The following FAT3 variants were observed in gnomAD, a reference collection of about 807,000 sequenced individuals.
FAT3 encodes FAT atypical cadherin 3.
A neutral mutation model predicts 310.2 loss-of-function variants in FAT3; 95 were observed. The observed-to-expected ratio is 0.31, with a 90% CI of 0.26 to 0.36. FAT3 has a LOEUF of 0.36. Ranked by LOEUF, FAT3 falls within the 10% of genes least tolerant of loss-of-function variation. The pLI, the probability that FAT3 is intolerant of heterozygous loss-of-function variation, is 1.00. For missense variants in FAT3, 5,408 were observed against 5,715.6 expected (o/e 0.95, Z 1.74); for synonymous variants, 2,314 against 2,192.9 (o/e 1.06, Z -1.54).
chr11:92,569,890 C>G (rs1414819010), intron 3 of FAT3, among the ~76,000 whole-genome samples: 1 of 152,164 alleles, frequency 6.6e-6, no homozygotes, highest in Non-Finnish European at 1.5e-5. Context: ...TCCAACAGCT[C>G]ATGCTCTCTG....
At chr11:92,556,250 T>C (rs531698657) in intron 3 of FAT3, among the ~76,000 whole-genome samples, 1 of 152,266 alleles carries the variant, frequency 6.6e-6, no homozygotes, top group African/African-American at 2.4e-5. Context: ...GGCTCTTCTT[T>C]TAAATTTTTG....
chr11:92,619,837 A>T (rs1351166762), intron 3 of FAT3, among the ~76,000 whole-genome samples: 2 of 151,040 alleles, frequency 1.3e-5, no homozygotes, highest in Non-Finnish European at 3.0e-5. Flanking sequence ...CTTTTTTTCT[A>T]TTTCATTGAT....
At chr11:92,889,308 C>T in intron 26 of FAT3, 60 bp downstream of exon 26, 1 of 654,852 alleles carries the variant, frequency 1.5e-6, no homozygotes, top group Non-Finnish European at 2.8e-6. Flanking sequence ...TTACTTTGGA[C>T]TAGGAGTGAT....
At chr11:92,479,748 T>G (rs1248250991) in intron 2 of FAT3, among the ~76,000 whole-genome samples, 2 of 152,206 alleles carry the variant, frequency 1.3e-5, no homozygotes, top group African/African-American at 2.4e-5. Flanking sequence ...TCTACCCTCT[T>G]GGAACTACAA....
chr11:92,269,314 C>A (rs1946057490), intron 1 of FAT3, among the ~76,000 whole-genome samples: 1 of 152,072 alleles, frequency 6.6e-6, no homozygotes, highest in African/African-American at 2.4e-5. Flanking sequence ...TCAGAAGTGC[C>A]CTGAATTCAA....
At chr11:92,460,560 A>C (rs1951610339) in intron 2 of FAT3, among the ~76,000 whole-genome samples, 1 of 152,212 alleles carries the variant, frequency 6.6e-6, no homozygotes, top group Non-Finnish European at 1.5e-5. Flanking sequence ...ATTTGTATGA[A>C]ATTGAAAACT....
intron 13 of FAT3, among the ~76,000 whole-genome samples, chr11:92,823,057 G>A (rs1418033057): frequency 6.6e-6 from 1 of 152,062 alleles, no homozygotes; most frequent in Non-Finnish European, 1.5e-5. Flanking sequence ...CTCTATACAT[G>A]CTTGTCTCCT....
At chr11:92,534,296 ACT>A (rs1430292493) in intron 3 of FAT3, among the ~76,000 whole-genome samples, 2 of 151,834 alleles carry the variant, frequency 1.3e-5, no homozygotes, top group Non-Finnish European at 2.9e-5. Flanking sequence ...GGGGAACAAA[ACT>A]CTGGGCTCTG....
chr11:92,735,453 G>A (rs1212951469), intron 4 of FAT3, among the ~76,000 whole-genome samples: 1 of 151,922 alleles, frequency 6.6e-6, no homozygotes, highest in Non-Finnish European at 1.5e-5. Context: ...TCATTCCAGA[G>A]GTCTACTGAA....
rs755181844 is a variant in FAT3 at position 92,891,139 on chromosome 11, T to G, written c.*26T>G. On this transcript the variant is annotated 3_prime_UTR_variant, in exon 28 of 28. Coordinates refer to ENST00000525166, the MANE Select transcript of FAT3 (RefSeq NM_001367949.2). Reference sequence around the variant, plus strand: ...ACATCACATCTTGGGTACTTCACCCTGTTTGTTACAGAAAAGTGGAAGCAG... The same window carrying G: ...ACATCACATCTTGGGTACTTCACCCGGTTTGTTACAGAAAAGTGGAAGCAG... 2 of 1,603,782 alleles carry G rather than the reference T, an allele frequency of 1.2e-6. No homozygotes were observed. Among genetic ancestry groups the G allele is most frequent in the Non-Finnish European group, 1.7e-6 (2 of 1,173,946 alleles).
At position 92,354,178 on chromosome 11, in the gene FAT3, C is replaced by T. The variant is rs1948658829; in HGVS notation, c.2066C>T (p.Ala689Val). Residue 689 changes from alanine to valine, a missense_variant, in exon 2 of 28, where the codon GCT becomes GTT. Physicochemically the swap from Ala to Val is moderately conservative, Grantham distance 64. Transcript: ENST00000525166. ...KSFSCRETRV[A>V]QKLAEKLLIK... ...TTCAGTTGCAGAGAAACTCGTGTGG[C>T]TCAAAAGCTGGCAGAGAAACTACTC... The T allele has an allele frequency of 6.2e-7, 1 of 1,613,810 alleles. No individual in the cohort carries two copies. Among genetic ancestry groups the T allele is most frequent in the African/African-American group, 1.3e-5 (1 of 75,020 alleles).
At chr11:92,858,410 C>T (rs1205755098) in intron 20 of FAT3, among the ~76,000 whole-genome samples, 1 of 152,214 alleles carries the variant, frequency 6.6e-6, no homozygotes, top group Admixed American at 6.5e-5. Context: ...GCTGACTTTT[C>T]TCCTTTCTAT....
At chr11:92,757,079 C>G (rs183893013) in intron 4 of FAT3, among the ~76,000 whole-genome samples, 3 of 152,060 alleles carry the variant, frequency 2.0e-5, no homozygotes, top group African/African-American at 2.4e-5. Context: ...CATGTGCCAC[C>G]ATGCCCAGCT....
intron 3 of FAT3, among the ~76,000 whole-genome samples, chr11:92,686,001 T>C (rs867162859): frequency 5.3e-5 from 8 of 152,180 alleles, no homozygotes; most frequent in Non-Finnish European, 7.4e-5. Context: ...CCCCTAGTGA[T>C]GAAGAGATTA....
chr11:92,628,433 C>T (rs994077059), intron 3 of FAT3, among the ~76,000 whole-genome samples: 2 of 152,166 alleles, frequency 1.3e-5, no homozygotes, highest in African/African-American at 4.8e-5. Flanking sequence ...TTCACATTTG[C>T]CCTTTTTTGT....
Position 92,524,631 on chromosome 11 carries a change from CAG to C in FAT3, c.3293-2_3293-1del, listed in dbSNP as rs1221535761. On this transcript the variant is annotated splice_acceptor_variant, in intron 2 of 27. Transcript: ENST00000525166. LOFTEE classifies it high-confidence loss of function. ...ACAGTAACACTTCTCTTTTTTGTCT[CAG>C]GGGTCATCACTGCCGCAGACATTCT... 1 of 1,607,640 alleles carries C rather than the reference CAG, an allele frequency of 6.2e-7. No individual in the cohort carries two copies. Among genetic ancestry groups the C allele is most frequent in the Non-Finnish European group, 8.5e-7 (1 of 1,176,626 alleles).
intron 2 of FAT3, among the ~76,000 whole-genome samples, chr11:92,521,155 G>A (rs1272503231): frequency 1.3e-5 from 2 of 152,100 alleles, no homozygotes; most frequent in Non-Finnish European, 2.9e-5. Flanking sequence ...GTGTGTGTGT[G>A]CGTGCACACA....
chr11:92,372,319 A>C (rs1421158715), intron 2 of FAT3, among the ~76,000 whole-genome samples: 1 of 151,390 alleles, frequency 6.6e-6, no homozygotes, highest in Non-Finnish European at 1.5e-5. Context: ...ATCAGGGAGT[A>C]GGGTGAACAG....
chr11:92,532,424 C>G (rs1247640136), intron 3 of FAT3, among the ~76,000 whole-genome samples: 1 of 152,020 alleles, frequency 6.6e-6, no homozygotes, highest in Non-Finnish European at 1.5e-5. Flanking sequence ...GTATGTTTTT[C>G]TATTGTTAAC....
Sources: allele counts gnomAD v4.1 joint callset (sites outside exome capture counted in the v4.1 genomes callset), GRCh38; gene constraint gnomAD v4.1.1; transcripts MANE v1.5; gene names NCBI Gene and HGNC (gene_info 2026-07-23, HGNC 2026-07-21).